The following CRB1 variants were observed in gnomAD, a reference collection of about 807,000 sequenced individuals.
CRB1 encodes the protein crumbs cell polarity complex component 1, also known as protein crumbs homolog 1.
A neutral mutation model predicts 120.0 loss-of-function variants in CRB1; 83 were observed. That is an observed-to-expected ratio of 0.69 (90% CI 0.58 to 0.83). CRB1 has a LOEUF of 0.83. Among genes scored for constraint, CRB1 ranks in the 40% least tolerant of loss-of-function variants. The pLI, the probability that CRB1 is intolerant of heterozygous loss-of-function variation, is 0.00. For missense variants in CRB1, 1,699 were observed against 1,687.6 expected, an observed-to-expected ratio of 1.01 and a Z score of -0.12; for synonymous variants, 625 against 612.5, an observed-to-expected ratio of 1.02 and a Z score of -0.30.
In CRB1 at chr1:197,400,471, A is replaced by ATT. The variant is rs5779868; in HGVS notation, c.1172-20517_1172-20516dup. On this transcript the variant is annotated intron_variant, in intron 5 of 11. Transcript: ENST00000367400. ...GTAGCAGAACCAGAAGTAAAAGAGC[A>ATT]TTTTTTTTTTTTTGATGATGATGAT... 9.1e-3 allele frequency among the ~76,000 whole-genome samples: 1,341 copies of ATT among 146,912 alleles called. 10 individuals carry two copies. The highest frequency in any genetic ancestry group is 0.01 in the African/African-American group (409 of 39,976).
In CRB1 at chr1:197,356,967, C is replaced by T; in HGVS notation, c.1125C>T (p.Tyr375=). ...RITGLPSSFS[Y]HEASGYVCIC... is the part of the protein sequence containing the mutation. ...CTGGACTGCCTTCTTCTTTCAGCTA[C>T]CATGAAGCCTCAGGTTATGTCTGTA... Residue 375 remains tyrosine (Y), a synonymous_variant, in exon 5 of 12, where the codon TAC becomes TAT. Coordinates refer to ENST00000367400, the MANE Select transcript of CRB1 (RefSeq NM_201253.3). 6.2e-7 allele frequency: 1 copy of T among 1,614,200 alleles called. No homozygotes were observed. The highest frequency in any genetic ancestry group is 8.5e-7 in the Non-Finnish European group (1 of 1,180,024).
chr1:197,296,224 C>T lies in CRB1; in HGVS notation c.70+27742C>T, dbSNP rs530330463. ...TAAAATCAGGGGCTCTAGAGCCAGA[C>T]TGCAGGCCTTGAATTCTATCTCCAC... is the stretch of plus-strand genomic sequence containing the variant. On this transcript the variant is annotated intron_variant, in intron 1 of 11. Transcript: ENST00000367400. Among the ~76,000 whole-genome samples the T allele has an allele frequency of 4.2e-4, 64 of 152,198 alleles. No homozygotes were observed. The South Asian group carries it at 0.013, about 31-fold the overall frequency.
intron 4 of CRB1, among the ~76,000 whole-genome samples, chr1:197,356,225 TATTTATAAAAGCAAAGAAA>T (rs1660472513): frequency 6.6e-6 from 1 of 152,248 alleles, no homozygotes; most frequent in South Asian, 2.1e-4. Context: ...CAGTTGCTCG[TATTTATAAAAGCAAAGAAA>T]AAGTTCAAGT....
the CRB1 span, among the ~76,000 whole-genome samples, chr1:197,220,531 T>A: frequency 6.6e-6 from 1 of 152,254 alleles, no homozygotes; most frequent in East Asian, 1.9e-4. Flanking sequence ...TACAAGAGCT[T>A]TAGGGAGCAA....
At chr1:197,336,344 A>C (rs1659154154) in intron 2 of CRB1, among the ~76,000 whole-genome samples, 1 of 152,218 alleles carries the variant, frequency 6.6e-6, no homozygotes, top group South Asian at 2.1e-4. Context: ...CTTTGAAGGC[A>C]TCTGTGGCAA....
At chr1:197,300,004 A>T (rs1471166156) in intron 1 of CRB1, among the ~76,000 whole-genome samples, 1 of 151,734 alleles carries the variant, frequency 6.6e-6, no homozygotes, top group Non-Finnish European at 1.5e-5. Flanking sequence ...TCCTATTGTA[A>T]TTGTTTTTGG....
chr1:197,467,175 A>G lies in CRB1; in HGVS notation c.4006-10489A>G, dbSNP rs1666785954. On this transcript the variant is annotated intron_variant, in intron 11 of 11. Transcript: ENST00000367400. ...TTTCCTTATAAAAATTGTTTGTTAAATTATTACTTTTCCAACATTTTGCTT... is the reference window on the plus strand; with the variant it reads ...TTTCCTTATAAAAATTGTTTGTTAAGTTATTACTTTTCCAACATTTTGCTT... Among the ~76,000 whole-genome samples the G allele has an allele frequency of 2.0e-5, 3 of 152,206 alleles. No individual in the cohort carries two copies. The South Asian group carries it at 6.2e-4, about 31-fold the overall frequency.
intron 5 of CRB1, among the ~76,000 whole-genome samples, chr1:197,362,928 T>A (rs1032402065): frequency 3.9e-5 from 6 of 152,124 alleles, no homozygotes; most frequent in African/African-American, 1.4e-4. Flanking sequence ...TTATTATGTG[T>A]TTTCTGTTTG....
chr1:197,455,385 G>C (rs537561564), intron 11 of CRB1, among the ~76,000 whole-genome samples: 1 of 152,222 alleles, frequency 6.6e-6, no homozygotes, highest in South Asian at 2.1e-4. Context: ...TTTGGCATCA[G>C]TTCCATCTAT....
rs368366574 is a variant in CRB1 at position 197,347,344 on chromosome 1, A to C, written c.853A>C (p.Ser285Arg). Reference protein sequence around the residue: ...GLCVDGENRYSCNCTGSGFTG... With the variant: ...GLCVDGENRYRCNCTGSGFTG... The stretch of plus-strand genomic sequence containing the variant: ...AAAATTTCATTTACTTTCCAGATAT[A>C]GCTGTAACTGCACGGGTAGTGGATT... The change falls in exon 4 of 12, where the codon AGC becomes CGC. Residue 285 changes from serine to arginine, a missense_variant. Coordinates refer to ENST00000367400, the MANE Select transcript of CRB1 (RefSeq NM_201253.3). 6.2e-6 allele frequency: 10 copies of C among 1,613,596 alleles called. No homozygotes were observed. The highest frequency in any genetic ancestry group is 7.6e-6 in the Non-Finnish European group (9 of 1,179,622).
rs185136782 is a variant in CRB1 at position 197,283,497 on chromosome 1, G to A, written c.70+15015G>A. On this transcript the variant is annotated intron_variant, in intron 1 of 11. Transcript: ENST00000367400. ...TATGAGTGAGAACATATGATGTTTG[G>A]TTTTCCATTCCTGAGTTACTTCACT... Among the ~76,000 whole-genome samples, 471 of 151,866 alleles carry A rather than the reference G, an allele frequency of 3.1e-3. 1 individual carries two copies. The highest frequency in any genetic ancestry group is 0.011 in the African/African-American group (450 of 41,494).
At chr1:197,349,391 C>T (rs1371458939) in intron 4 of CRB1, among the ~76,000 whole-genome samples, 2 of 152,138 alleles carry the variant, frequency 1.3e-5, no homozygotes, top group Non-Finnish European at 2.9e-5. Flanking sequence ...ATCTAATTCT[C>T]ATTAGGATTT....
chr1:197,303,874 G>A (rs748022094), intron 1 of CRB1, among the ~76,000 whole-genome samples: 1 of 152,166 alleles, frequency 6.6e-6, no homozygotes, highest in Non-Finnish European at 1.5e-5. Flanking sequence ...TGTAGTTCCA[G>A]CTACTTGGGA....
chr1:197,365,958 G>T (rs1661050371), intron 5 of CRB1, among the ~76,000 whole-genome samples: 1 of 152,116 alleles, frequency 6.6e-6, no homozygotes, highest in Non-Finnish European at 1.5e-5. Flanking sequence ...GAAACAGGGA[G>T]AGAGAAGTCT....
chr1:197,284,845 G>T (rs1655732976), intron 1 of CRB1, among the ~76,000 whole-genome samples: 2 of 151,870 alleles, frequency 1.3e-5, no homozygotes, highest in Non-Finnish European at 2.9e-5. Context: ...TCCACTGCTT[G>T]GTTGTAATAT....
Position 197,289,576 on chromosome 1 carries a change from A to G in CRB1, c.70+21094A>G, listed in dbSNP as rs139366829. On this transcript the variant is annotated intron_variant, in intron 1 of 11. Transcript: ENST00000367400. ...CGTGGGTTTGGGGAAAATTTGAACCATTTATCACTTTGAATATGGTCTCTT... is the reference window on the plus strand; with the variant it reads ...CGTGGGTTTGGGGAAAATTTGAACCGTTTATCACTTTGAATATGGTCTCTT... Among the ~76,000 whole-genome samples, 874 of 151,894 alleles carry G rather than the reference A, an allele frequency of 5.8e-3. 5 individuals are homozygous for G. Among genetic ancestry groups the G allele is most frequent in the Non-Finnish European group, 7.8e-3 (532 of 67,882 alleles).
In CRB1 at chr1:197,450,784, CAA is replaced by C. The variant is rs71131758; in HGVS notation, c.4005+8517_4005+8518del. 6.7e-3 allele frequency among the ~76,000 whole-genome samples: 398 copies of C among 59,608 alleles called. 8 individuals are homozygous for C. Among genetic ancestry groups the C allele is most frequent in the African/African-American group, 0.03 (353 of 11,762 alleles). 39.1% of individuals were successfully genotyped at this position (59,608 alleles called of 152,430 possible). On this transcript the variant is annotated intron_variant, in intron 11 of 11. Transcript: ENST00000367400. ...TGAAACCCCGTCTCTACTAAAAATACAAAAAAAAAAAAAAAAAAAAAAAAAAT... is the reference window on the plus strand; with the variant it reads ...TGAAACCCCGTCTCTACTAAAAATACAAAAAAAAAAAAAAAAAAAAAAAAT...
chr1:197,256,348 A>G, the CRB1 span, among the ~76,000 whole-genome samples: 1 of 151,504 alleles, frequency 6.6e-6, no homozygotes, highest in African/African-American at 2.4e-5. Context: ...TGCTTCCTTT[A>G]TTATTATTAT....
intron 11 of CRB1, among the ~76,000 whole-genome samples, chr1:197,461,165 C>G (rs532217816): frequency 6.6e-6 from 1 of 152,140 alleles, no homozygotes; most frequent in Non-Finnish European, 1.5e-5. Context: ...TTATAGATAC[C>G]AATGTAAGCC....
Sources: gnomAD v4.1 joint callset for allele counts (sites outside exome capture counted in the v4.1 genomes callset) on GRCh38, gnomAD v4.1.1 for gene constraint, MANE v1.5 for transcripts, NCBI Gene and HGNC (gene_info 2026-07-23, HGNC 2026-07-21) for gene names.